Variants in RARS2 observed in about 807,000 individuals in gnomAD.
The protein encoded by RARS2 is probable arginine--tRNA ligase, mitochondrial.
A neutral mutation model predicts 88.5 loss-of-function variants in RARS2; 67 were observed. That is an observed-to-expected ratio of 0.76 (90% confidence interval 0.62 to 0.93). The LOEUF is 0.93. Ranked by LOEUF, RARS2 falls within the 40% of genes least tolerant of loss-of-function variation. The probability of loss-of-function intolerance (pLI) is 0.00; values close to 1 mark genes in which losing one functional copy is unlikely to be tolerated. For missense variants in RARS2, 664 were observed against 684.2 expected (o/e 0.97, Z 0.33); for synonymous variants, 239 against 230.3 (o/e 1.04, Z -0.34).
intron 12 of RARS2, 128 bp downstream of exon 12, chr6:87,521,336 C>A: frequency 2.9e-6 from 2 of 693,882 alleles, no homozygotes; most frequent in Non-Finnish European, 4.9e-6. Flanking sequence ...TAGAAGTTGC[C>A]CACTTTAAAC....
rs370034058 is a variant in RARS2, at chr6:87,520,544, G to A, written c.1036-288C>T. Among the ~76,000 whole-genome samples, 42 of 152,054 alleles carry A rather than the reference G, an allele frequency of 2.8e-4. No individual in the cohort carries two copies. The East Asian group carries it at 4.2e-3, about 15-fold the overall frequency. On this transcript the variant is annotated intron_variant, in intron 12 of 19. Coordinates refer to ENST00000369536, the MANE Select transcript of RARS2 (RefSeq NM_020320.5). ...CTGCCCTCTCGGCTATTATGACCCT[G>A]GTCTCTGAGACCAAAGCTAAACTCT...
chr6:87,514,303 C>T lies in RARS2; in HGVS notation c.*110G>A, dbSNP rs565043397. Reference sequence around the variant, plus strand: ...TCCAGCCTGGGCAACAAGAGCGAAACTCCATCTCAAAAAAAAAAAAAAAAA... The same window carrying T: ...TCCAGCCTGGGCAACAAGAGCGAAATTCCATCTCAAAAAAAAAAAAAAAAA... On this transcript the variant is annotated 3_prime_UTR_variant, in exon 20 of 20. Transcript: ENST00000369536. 634 of 674,710 alleles carry T rather than the reference C, an allele frequency of 9.4e-4. No homozygotes were observed. The highest frequency in any genetic ancestry group is 1.4e-3 in the Non-Finnish European group (579 of 408,714). 41.8% of individuals were successfully genotyped at this position (674,710 alleles called of 1,614,324 possible). A position where few individuals can be genotyped will look rare whatever the true frequency, so the allele number is the denominator to read the frequency against.
rs1024466880 is a variant in RARS2, at chr6:87,521,639, C to T, written c.975-115G>A. ...ATTAAGAATTTAAATTATACCACAGCCTGAGGAATTCCACCCACACTTAGA... is the reference window on the plus strand; with the variant it reads ...ATTAAGAATTTAAATTATACCACAGTCTGAGGAATTCCACCCACACTTAGA... On this transcript the variant is annotated intron_variant, in intron 11 of 19. Transcript: ENST00000369536. The T allele has an allele frequency of 3.9e-6, 3 of 764,144 alleles. No individual in the cohort carries two copies. In the African/African-American group the frequency reaches 5.1e-5, roughly 13 times the overall value. 47.3% of individuals were successfully genotyped at this position (764,144 alleles called of 1,614,324 possible). A position where few individuals can be genotyped will look rare whatever the true frequency, so the allele number is the denominator to read the frequency against.
chr6:87,559,238 T>A (rs1414899805), intron 4 of RARS2, among the ~76,000 whole-genome samples: 1 of 152,018 alleles, frequency 6.6e-6, no homozygotes, highest in East Asian at 1.9e-4. Flanking sequence ...GAAAAGTTTA[T>A]AAAATAAAAA....
intron 9 of RARS2, among the ~76,000 whole-genome samples, chr6:87,530,032 TG>T (rs1342945755): frequency 6.6e-6 from 1 of 152,186 alleles, no homozygotes; most frequent in African/African-American, 2.4e-5. Flanking sequence ...ACTGTTAAAC[TG>T]GAATTAAGCA....
chr6:87,515,389 A>G (rs7770153), intron 18 of RARS2, among the ~76,000 whole-genome samples: 17,207 of 151,880 alleles, frequency 0.11, 1,007 homozygotes, highest in East Asian at 0.15. Context: ...GCGTGGTGGC[A>G]TGCGCCTGTA....
intron 8 of RARS2, among the ~76,000 whole-genome samples, chr6:87,537,715 A>G (rs915006201): frequency 2.6e-5 from 4 of 152,220 alleles, no homozygotes; most frequent in African/African-American, 9.6e-5. Flanking sequence ...GTTCCATCAA[A>G]GCTTTGAGAA....
At chr6:87,565,698 T>A (rs9342116) in intron 2 of RARS2, among the ~76,000 whole-genome samples, 22,021 of 152,054 alleles carry the variant, frequency 0.14, 1,986 homozygotes, top group South Asian at 0.21. Flanking sequence ...GCAAAAAAAA[T>A]TTTTTTAATC....
At chr6:87,563,286 T>TG (rs1788436325) in intron 3 of RARS2, among the ~76,000 whole-genome samples, 1 of 152,212 alleles carries the variant, frequency 6.6e-6, no homozygotes, top group Non-Finnish European at 1.5e-5. Flanking sequence ...CTATGGAACT[T>TG]GAAGAGATAT....
chr6:87,532,847 G>C (rs780094651), intron 8 of RARS2, among the ~76,000 whole-genome samples: 8 of 152,268 alleles, frequency 5.3e-5, no homozygotes, highest in Non-Finnish European at 1.2e-4. Context: ...ATGTCAGTTA[G>C]AAAACAAAGA....
intron 3 of RARS2, 136 bp downstream of exon 3, chr6:87,563,994 A>T: frequency 1.4e-6 from 1 of 720,752 alleles, no homozygotes; most frequent in South Asian, 1.6e-5. Context: ...GGCTAAAATG[A>T]ATTTAAATTA....
chr6:87,518,084 C>T, intron 17 of RARS2, 85 bp downstream of exon 17: 1 of 1,612,070 alleles, frequency 6.2e-7, no homozygotes, highest in Admixed American at 1.7e-5. Context: ...AGCTACTGGA[C>T]TGTTGACTCT....
At chr6:87,550,095 T>C (rs1783876584) in intron 5 of RARS2, among the ~76,000 whole-genome samples, 1 of 152,206 alleles carries the variant, frequency 6.6e-6, no homozygotes. Context: ...TGCACAATTA[T>C]GAAATTATGA....
At chr6:87,550,723 A>AGAAT (rs1784057532) in intron 5 of RARS2, among the ~76,000 whole-genome samples, 2 of 150,524 alleles carry the variant, frequency 1.3e-5, no homozygotes, top group African/African-American at 4.8e-5. Context: ...AAAAAAAAAA[A>AGAAT]AGAATAGAAT....
chr6:87,533,706 C>A (rs892739508), intron 8 of RARS2, among the ~76,000 whole-genome samples: 4 of 152,186 alleles, frequency 2.6e-5, no homozygotes, highest in Admixed American at 1.3e-4. Context: ...AGATGTTGGG[C>A]CTGCCAAATA....
intron 5 of RARS2, among the ~76,000 whole-genome samples, chr6:87,549,565 AC>A (rs1455380065): frequency 1.3e-5 from 2 of 151,088 alleles, no homozygotes; most frequent in East Asian, 1.9e-4. Flanking sequence ...AAAAAAAAAA[AC>A]ATGTAAAAAT....
At chr6:87,534,474 T>C (rs528028831) in intron 8 of RARS2, among the ~76,000 whole-genome samples, 7 of 152,348 alleles carry the variant, frequency 4.6e-5, no homozygotes, top group African/African-American at 1.4e-4. Context: ...ACCTAATAAA[T>C]GTTAACATTT....
chr6:87,530,652 T>A, intron 9 of RARS2, 132 bp downstream of exon 9: 2 of 1,228,244 alleles, frequency 1.6e-6, no homozygotes, highest in Admixed American at 4.1e-5. Flanking sequence ...AAAAAAAAAT[T>A]TGAGTCTTAA....
At chr6:87,537,338 TG>T (rs141382141) in intron 8 of RARS2, among the ~76,000 whole-genome samples, 1,698 of 152,214 alleles carry the variant, frequency 0.011, 29 homozygotes, top group African/African-American at 0.039. Context: ...CATTCTATAG[TG>T]GGGGTGTGGG....
Sources: allele counts gnomAD v4.1 joint callset (sites outside exome capture counted in the v4.1 genomes callset), GRCh38; gene constraint gnomAD v4.1.1; transcripts MANE v1.5; gene names NCBI Gene and HGNC (gene_info 2026-07-23, HGNC 2026-07-21).